SRPX: variants seen among roughly 807,000 people sequenced by gnomAD.
SRPX encodes the protein sushi repeat containing protein X-linked, also known as sushi repeat-containing protein SRPX.
SRPX carries 24 observed loss-of-function variants against 38.1 expected under a neutral mutation model. The observed-to-expected ratio is 0.63, with a 90% confidence interval of 0.46 to 0.89. The LOEUF (loss-of-function observed/expected upper bound fraction) is 0.89. Ranked by LOEUF, SRPX falls within the 40% of genes least tolerant of loss-of-function variation. SRPX has a pLI of 0.00. For synonymous variants in SRPX, 184 were observed against 153.8 expected, an observed-to-expected ratio of 1.20 and a Z score of -1.45; for missense variants, 416 against 377.8, an observed-to-expected ratio of 1.10 and a Z score of -0.84.
intron 8 of SRPX, 116 bp from the exon 9 acceptor site, chrX:38,154,699 C>G: frequency 1.1e-6 from 1 of 949,636 alleles, no homozygotes; most frequent in Non-Finnish European, 1.4e-6. Flanking sequence ...TATTTGCTCA[C>G]TCTGAACTGT....
rs1939089323 is a variant in SRPX at position 38,200,521 on chromosome X, CTA to C, written c.97+20173_97+20174del. 1.1e-4 allele frequency among the ~76,000 whole-genome samples: 12 copies of C among 111,920 alleles called. No homozygotes were observed. In the South Asian group the frequency reaches 4.6e-3, roughly 43 times the overall value. On this transcript the variant is annotated intron_variant, in intron 1 of 9. Transcript: ENST00000378533. ...CAGGTAATTAATAAGGAGGAGAAGT[CTA>C]TTCAGCTCACAGTTCTGGAGGCTGA... is the stretch of plus-strand genomic sequence containing the variant.
chrX:38,198,527 G>A (rs747010005), intron 1 of SRPX, among the ~76,000 whole-genome samples: 1 of 112,011 alleles, frequency 8.9e-6, no homozygotes, highest in Admixed American at 9.4e-5. Context: ...GGCTTATTAG[G>A]AACACTCACA....
chrX:38,183,676 T>C (rs1465744664), intron 1 of SRPX, among the ~76,000 whole-genome samples: 1 of 111,762 alleles, frequency 8.9e-6, no homozygotes, highest in Non-Finnish European at 1.9e-5. Context: ...TTAGTAAACT[T>C]TCCTTTATTT....
intron 2 of SRPX, among the ~76,000 whole-genome samples, chrX:38,177,504 G>A (rs1166592125): frequency 4.6e-5 from 5 of 108,591 alleles, no homozygotes; most frequent in African/African-American, 1.7e-4. Flanking sequence ...CAGGAATTAG[G>A]ACAAATTTCC....
chrX:38,156,262 G>C (rs989619796), intron 8 of SRPX, among the ~76,000 whole-genome samples: 1 of 111,844 alleles, frequency 8.9e-6, no homozygotes, highest in Non-Finnish European at 1.9e-5. Flanking sequence ...CACCCAAGAT[G>C]TTGGTTGCCT....
chrX:38,193,269 C>G (rs1270811558), intron 1 of SRPX, among the ~76,000 whole-genome samples: 1 of 111,925 alleles, frequency 8.9e-6, no homozygotes, highest in East Asian at 2.8e-4. Flanking sequence ...TGCAAACACA[C>G]TATTTTGCAG....
chrX:38,199,353 C>A (rs1167004599), intron 1 of SRPX, among the ~76,000 whole-genome samples: 1 of 111,410 alleles, frequency 9.0e-6, no homozygotes, highest in Non-Finnish European at 1.9e-5. Context: ...TTGCAGTGAG[C>A]CGAGATCGCG....
intron 8 of SRPX, among the ~76,000 whole-genome samples, chrX:38,155,522 G>A (rs1756755755): frequency 8.9e-6 from 1 of 112,189 alleles, no homozygotes; most frequent in Admixed American, 9.4e-5. Flanking sequence ...AGTACTTCAG[G>A]CTTGGCAAGG....
chrX:38,177,138 GA>G (rs1275649265), intron 2 of SRPX, among the ~76,000 whole-genome samples: 1 of 109,653 alleles, frequency 9.1e-6, no homozygotes, highest in Non-Finnish European at 1.9e-5. Flanking sequence ...GGGACTCAAA[GA>G]AAAAAAAATC....
chrX:38,149,560 G>T lies in SRPX; in HGVS notation c.*151C>A. The T allele has an allele frequency of 1.8e-6, 1 of 543,686 alleles. No individual in the cohort carries two copies. The highest frequency in any genetic ancestry group is 2.7e-6 in the Non-Finnish European group (1 of 366,703). 44.8% of individuals were successfully genotyped at this position (543,686 alleles called of 1,213,427 possible). On this transcript the variant is annotated 3_prime_UTR_variant, in exon 10 of 10. Coordinates refer to ENST00000378533, the MANE Select transcript of SRPX (RefSeq NM_006307.5). ...CACTTCCAAGTACAAAAAGCAGCAT[G>T]CTAATTTTTAAGTGCAAAGAAAGCT...
intron 1 of SRPX, among the ~76,000 whole-genome samples, chrX:38,181,879 T>G (rs1304981916): frequency 9.0e-6 from 1 of 110,975 alleles, no homozygotes; most frequent in Admixed American, 9.5e-5. Context: ...CCACAAGTCT[T>G]TTGTAGATAA....
chrX:38,185,251 A>G (rs966872868), intron 1 of SRPX, among the ~76,000 whole-genome samples: 1 of 112,095 alleles, frequency 8.9e-6, no homozygotes, highest in Non-Finnish European at 1.9e-5. Context: ...ATAATTTTGG[A>G]TGGTTTTATT....
At chrX:38,155,843 C>T (rs1226771323) in intron 8 of SRPX, among the ~76,000 whole-genome samples, 1 of 111,623 alleles carries the variant, frequency 9.0e-6, no homozygotes, top group Admixed American at 9.5e-5. Flanking sequence ...CAAGGAGATA[C>T]AAGGGGAGGT....
intron 1 of SRPX, among the ~76,000 whole-genome samples, chrX:38,217,467 G>A (rs918391009): frequency 1.8e-5 from 2 of 111,304 alleles, no homozygotes; most frequent in Non-Finnish European, 3.8e-5. Flanking sequence ...TGTGACTCAG[G>A]TTCTATAAGG....
rs1272479814 is a variant in SRPX at position 38,171,987 on chromosome X, G to A, written c.420C>T (p.Asn140=). ...GFKCVDGAYF[N]SRCEYYCSPG... Reference sequence around the variant, plus strand: ...GTGAACAATAATACTCACACCGGGAGTTAAAGTAGGCACCATCTACACACT... The same window carrying A: ...GTGAACAATAATACTCACACCGGGAATTAAAGTAGGCACCATCTACACACT... The change falls in exon 4 of 10, where the codon AAC becomes AAT. Residue 140 remains asparagine, a synonymous_variant. Transcript: ENST00000378533. 8.3e-7 allele frequency: 1 copy of A among 1,210,647 alleles called. No individual in the cohort carries two copies. Among genetic ancestry groups the A allele is most frequent in the Non-Finnish European group, 1.1e-6 (1 of 894,757 alleles).
chrX:38,181,036 A>T (rs1347868476), intron 1 of SRPX, among the ~76,000 whole-genome samples: 1 of 112,620 alleles, frequency 8.9e-6, no homozygotes, highest in Non-Finnish European at 1.9e-5. Context: ...AAAACTTCTA[A>T]CACTAAATTG....
chrX:38,165,301 C>G (rs1292867083), intron 4 of SRPX, among the ~76,000 whole-genome samples: 5 of 112,126 alleles, frequency 4.5e-5, no homozygotes, highest in Non-Finnish European at 9.4e-5. Context: ...GAAAGGCATT[C>G]TAGCTATCAT....
chrX:38,162,422 C>T (rs762965266), intron 5 of SRPX, among the ~76,000 whole-genome samples: 101 of 112,430 alleles, frequency 9.0e-4, no homozygotes, highest in Admixed American at 3.4e-3. Flanking sequence ...CCCACCACAT[C>T]CTGCTCTAAG....
chrX:38,212,863 C>G (rs1939355840), intron 1 of SRPX, among the ~76,000 whole-genome samples: 1 of 111,464 alleles, frequency 9.0e-6, no homozygotes, highest in South Asian at 3.9e-4. Flanking sequence ...GGCCTCAAGT[C>G]CTTGAGTCTT....
Sources: gnomAD v4.1 joint callset for allele counts (sites outside exome capture counted in the v4.1 genomes callset) on GRCh38, gnomAD v4.1.1 for gene constraint, MANE v1.5 for transcripts, NCBI Gene and HGNC (gene_info 2026-07-23, HGNC 2026-07-21) for gene names.